Variants in KLHL15 observed in about 807,000 individuals in gnomAD.
KLHL15 encodes kelch like family member 15.
KLHL15 carries 1 observed loss-of-function variant against 29.3 expected under a neutral mutation model. The ratio of observed to expected loss-of-function variants is 0.03; its 90% CI spans 0.01 to 0.16. The LOEUF (loss-of-function observed/expected upper bound fraction) is 0.16. Among genes scored for constraint, KLHL15 ranks in the 10% least tolerant of loss-of-function variants. KLHL15 has a pLI of 1.00. For synonymous variants in KLHL15, 212 were observed against 184.5 expected (o/e 1.15, Z -1.21); for missense variants, 215 against 478.5 (o/e 0.45, Z 5.14).
At chrX:24,011,883 C>T (rs1437414631) in intron 2 of KLHL15, among the ~76,000 whole-genome samples, 1 of 112,429 alleles carries the variant, frequency 8.9e-6, no homozygotes, top group Non-Finnish European at 1.9e-5. Context: ...GGTGCGGTGG[C>T]TCACGCCTGT....
chrX:23,991,757 T>G (rs185839983), intron 3 of KLHL15, among the ~76,000 whole-genome samples: 139 of 111,880 alleles, frequency 1.2e-3, no homozygotes, highest in African/African-American at 4.5e-3. Context: ...TAGAATCACT[T>G]GAACCTGGGA....
chrX:24,002,547 A>T (rs1929349069), intron 3 of KLHL15, among the ~76,000 whole-genome samples: 1 of 111,630 alleles, frequency 9.0e-6, no homozygotes, highest in South Asian at 3.7e-4. Context: ...CTTTCATATC[A>T]AAGTTTTCCC....
intron 2 of KLHL15, among the ~76,000 whole-genome samples, chrX:24,016,368 A>G (rs5970820): frequency 0.12 from 9,331 of 75,942 alleles, 1,269 homozygotes; most frequent in African/African-American, 0.42. Flanking sequence ...AAAAAAAAAA[A>G]GGGGGGGTAT....
chrX:24,012,290 T>C (rs1184961160), intron 2 of KLHL15, among the ~76,000 whole-genome samples: 1 of 112,651 alleles, frequency 8.9e-6, no homozygotes, highest in Non-Finnish European at 1.9e-5. Context: ...TAAAAATCTC[T>C]TTAAAAGGCC....
In KLHL15 at chrX:23,985,617, T is replaced by C; in HGVS notation, c.*2304A>G. The C allele has an allele frequency of 8.9e-6, 1 of 112,475 alleles. No homozygotes were observed. Among genetic ancestry groups the C allele is most frequent in the East Asian group, 2.8e-4 (1 of 3,593 alleles). 9.3% of individuals were successfully genotyped at this position (112,475 alleles called of 1,213,427 possible). A position where few individuals can be genotyped will look rare whatever the true frequency, so the allele number is the denominator to read the frequency against. ...AAGATTTTACGAATTTTACAAAACA[T>C]GAACTTTGATCTTGGCCTCTGTCTT... On this transcript the variant is annotated 3_prime_UTR_variant, in exon 4 of 4. Coordinates refer to ENST00000328046, the MANE Select transcript of KLHL15 (RefSeq NM_030624.3).
chrX:24,019,399 G>T (rs1005274136), intron 2 of KLHL15, among the ~76,000 whole-genome samples: 4 of 110,558 alleles, frequency 3.6e-5, no homozygotes, highest in Admixed American at 1.9e-4. Context: ...GGGATTACAG[G>T]AGCCCACCAC....
At chrX:24,000,152 A>C (rs1434287394) in intron 3 of KLHL15, among the ~76,000 whole-genome samples, 1 of 112,260 alleles carries the variant, frequency 8.9e-6, no homozygotes, top group Non-Finnish European at 1.9e-5. Flanking sequence ...TAGAAATTCT[A>C]ATCAAATTTC....
chrX:24,008,213 G>C (rs1367844584), intron 2 of KLHL15, among the ~76,000 whole-genome samples: 2 of 111,975 alleles, frequency 1.8e-5, no homozygotes, highest in Non-Finnish European at 3.8e-5. Flanking sequence ...ACTATAATTA[G>C]ATATCTTAAA....
At position 23,988,886 on chromosome X, in the gene KLHL15, C is replaced by T. The variant is rs752673552; in HGVS notation, c.850G>A (p.Val284Ile). 8.3e-7 allele frequency: 1 copy of T among 1,210,209 alleles called. No individual in the cohort carries two copies. Among genetic ancestry groups the T allele is most frequent in the South Asian group, 1.8e-5 (1 of 56,831 alleles). Residue 284 changes from valine (V) to isoleucine (I), a missense_variant, in exon 4 of 4, where the codon GTA becomes ATA. Physicochemically the swap from Val to Ile is conservative, Grantham distance 29. Transcript: ENST00000328046. ...CTATGTCCAATCATTCCTCGAAATA[C>T]TGTAGTTTGCGGTTTTGCAGAACGG... ...RIRSAKPQTT[V>I]FRGMIGHSMV...
rs1929014831 is a variant in KLHL15, at chrX:23,987,936, G to A, written c.1800C>T (p.Val600=). Residue 600 remains valine (V), a synonymous_variant, in exon 4 of 4, where the codon GTC becomes GTT. Transcript: ENST00000328046. The stretch of plus-strand genomic sequence containing the variant: ...GAGGATGTCATTAGTTGCAACGCCT[G>A]ACCTCATCCAGTACATAGTCCGGAA... ...LHFPDYVLDE[V]RRCN is the part of the protein sequence containing the mutation. 3 of 1,204,260 alleles carry A rather than the reference G, an allele frequency of 2.5e-6. No homozygotes were observed. The highest frequency in any genetic ancestry group is 3.4e-6 in the Non-Finnish European group (3 of 891,337).
At chrX:24,000,918 T>TA (rs1929300937) in intron 3 of KLHL15, among the ~76,000 whole-genome samples, 1 of 112,421 alleles carries the variant, frequency 8.9e-6, no homozygotes, top group African/African-American at 3.2e-5. Flanking sequence ...GGACAATAAA[T>TA]GTCCCCCATT....
chrX:24,013,160 A>G (rs773641352), intron 2 of KLHL15, among the ~76,000 whole-genome samples: 1 of 111,375 alleles, frequency 9.0e-6, no homozygotes, highest in South Asian at 3.7e-4. Context: ...TGCAGTAGCT[A>G]TTCATAGGCA....
chrX:23,995,163 T>C (rs1929160740), intron 3 of KLHL15, among the ~76,000 whole-genome samples: 1 of 111,695 alleles, frequency 9.0e-6, no homozygotes, highest in African/African-American at 3.3e-5. Context: ...GAGAAATAAC[T>C]AGCCATTACA....
intron 2 of KLHL15, among the ~76,000 whole-genome samples, chrX:24,016,857 C>T (rs1929697367): frequency 1.8e-5 from 2 of 110,838 alleles, no homozygotes; most frequent in African/African-American, 6.6e-5. Context: ...ATCTAGTTAA[C>T]TTTGAAGAAA....
At chrX:24,022,936 G>A (rs954543898) in intron 2 of KLHL15, among the ~76,000 whole-genome samples, 1 of 110,297 alleles carries the variant, frequency 9.1e-6, no homozygotes, top group Non-Finnish European at 1.9e-5. Context: ...GTTTCTCCAC[G>A]TTGGTTAGGC....
chrX:23,988,897 G>A lies in KLHL15; in HGVS notation c.839C>T (p.Pro280Leu), dbSNP rs1395684575. The A allele has an allele frequency of 4.1e-6, 5 of 1,210,075 alleles. No homozygotes were observed. The highest frequency in any genetic ancestry group is 2.2e-5 in the Admixed American group (1 of 45,656). Residue 280 changes from proline to leucine, a missense_variant, in exon 4 of 4, where the codon CCG (proline) becomes CTG (leucine). Pro to Leu is a moderately conservative substitution (Grantham distance 98). Transcript: ENST00000328046. Reference protein sequence around the residue: ...MKSSRIRSAKPQTTVFRGMIG... With the variant: ...MKSSRIRSAKLQTTVFRGMIG... ...CATTCCTCGAAATACTGTAGTTTGC[G>A]GTTTTGCAGAACGGATGCGGCTTGA... is the stretch of plus-strand genomic sequence containing the variant.
intron 2 of KLHL15, among the ~76,000 whole-genome samples, chrX:24,019,475 C>T (rs748663531): frequency 9.0e-6 from 1 of 110,532 alleles, no homozygotes; most frequent in Non-Finnish European, 1.9e-5. Flanking sequence ...AGGCTGGTCT[C>T]GAACTCCTGG....
At chrX:23,994,471 G>C (rs1929147003) in intron 3 of KLHL15, among the ~76,000 whole-genome samples, 1 of 112,264 alleles carries the variant, frequency 8.9e-6, no homozygotes, top group Non-Finnish European at 1.9e-5. Flanking sequence ...AAAGAGTGAG[G>C]TTGATCCATA....
chrX:23,997,870 GGAGACCAGCCAGGAGTT>G (rs1929226276), intron 3 of KLHL15, among the ~76,000 whole-genome samples: 1 of 108,698 alleles, frequency 9.2e-6, no homozygotes, highest in African/African-American at 3.3e-5. Flanking sequence ...CTTGATGCCA[GGAGACCAGCCAGGAGTT>G]GAGACCAGCC....
Sources: allele counts gnomAD v4.1 joint callset (sites outside exome capture counted in the v4.1 genomes callset), GRCh38; gene constraint gnomAD v4.1.1; transcripts MANE v1.5; gene names NCBI Gene and HGNC (gene_info 2026-07-23, HGNC 2026-07-21).